PRMT5: variants seen among roughly 807,000 people sequenced by gnomAD.
The protein encoded by PRMT5 is protein arginine N-methyltransferase 5.
PRMT5 carries 15 observed loss-of-function variants against 84.0 expected under a neutral mutation model. The ratio of observed to expected loss-of-function variants is 0.18; its 90% CI spans 0.12 to 0.28. The LOEUF (loss-of-function observed/expected upper bound fraction) is 0.28, where lower values mean the gene tolerates loss of function less well. Ranked by LOEUF, PRMT5 falls within the 10% of genes least tolerant of loss-of-function variation. PRMT5 has a pLI of 1.00. For missense variants in PRMT5, 486 were observed against 808.0 expected, an observed-to-expected ratio of 0.60 and a Z score of 4.83; for synonymous variants, 276 against 292.4, an observed-to-expected ratio of 0.94 and a Z score of 0.57.
At chr14:22,929,058 G>C in intron 1 of PRMT5, 194 bp downstream of exon 1, 4 of 1,401,546 alleles carry the variant, frequency 2.9e-6, no homozygotes, top group Non-Finnish European at 4.0e-6. Context: ...TTGGGACTCA[G>C]TGACCACAGG....
rs2044381487 is a variant in PRMT5 at position 22,924,814 on chromosome 14, A to G, written c.939+65T>C. On this transcript the variant is annotated intron_variant, in intron 8 of 16. Coordinates refer to ENST00000324366, the MANE Select transcript of PRMT5 (RefSeq NM_006109.5). This position sits in a 1 kb window ranked among gnomAD's most constrained non-coding sequence, Gnocchi z 6.5. ...CTTTCTGAGTTTTAGTAAGATTTGG[A>G]GGCATATATTCTCAAGAAACATTTT... The G allele has an allele frequency of 3.8e-6, 6 of 1,596,028 alleles. No homozygotes were observed. The Admixed American group carries it at 1.0e-4, about 27-fold the overall frequency.
rs759127313 is a variant in PRMT5 at position 22,920,889 on chromosome 14, A to G, written c.*15T>C. 1.9e-6 allele frequency: 3 copies of G among 1,613,834 alleles called. No individual in the cohort carries two copies. The highest frequency in any genetic ancestry group is 2.5e-6 in the Non-Finnish European group (3 of 1,179,744). ...TGAAGCTGCTTCCAAGGCTCTGGACACTTGGCACGCAGGGCTAGAGGCCAA... is the reference window on the plus strand; with the variant it reads ...TGAAGCTGCTTCCAAGGCTCTGGACGCTTGGCACGCAGGGCTAGAGGCCAA... On this transcript the variant is annotated 3_prime_UTR_variant, in exon 17 of 17. Transcript: ENST00000324366.
In PRMT5 at chr14:22,928,329, A is replaced by T. The variant is rs751958721; in HGVS notation, c.230-118T>A. The T allele has an allele frequency of 1.6e-6, 2 of 1,234,602 alleles. No homozygotes were observed. The highest frequency in any genetic ancestry group is 3.6e-5 in the Admixed American group (2 of 55,312). 76.5% of individuals were successfully genotyped at this position (1,234,602 alleles called of 1,614,324 possible). The stretch of plus-strand genomic sequence containing the variant: ...AGAGACAAAGGTTTTTTCTACATAG[A>T]CATGGGATAGCCTGATGCAGAATAG... On this transcript the variant is annotated intron_variant, in intron 2 of 16. Transcript: ENST00000324366. This position sits in a 1 kb window ranked among gnomAD's most constrained non-coding sequence, Gnocchi z 4.8.
At chr14:22,926,612 C>T in intron 5 of PRMT5, 57 bp from the exon 6 acceptor site, 2 of 1,608,690 alleles carry the variant, frequency 1.2e-6, no homozygotes, top group Non-Finnish European at 1.7e-6. Flanking sequence ...CCAATCACCA[C>T]AGCTCAAGGA....
chr14:22,924,327 T>C lies in PRMT5; in HGVS notation c.1142A>G (p.Gln381Arg). Residue 381 changes from glutamine to arginine, a missense_variant, in exon 11 of 17, where the codon CAG becomes CGG. By Grantham distance (43) the Gln-to-Arg change is conservative (BLOSUM62 1). Around this residue, in one of 4 missense-constraint regions of PRMT5, gnomAD observed 219 missense variants for 433.6 expected, o/e 0.51. Coordinates refer to ENST00000324366, the MANE Select transcript of PRMT5 (RefSeq NM_006109.5). This position sits in a 1 kb window ranked among gnomAD's most constrained non-coding sequence, Gnocchi z 6.5. ...ATACAGCTTTATCCGCCGGTCGGCC[T>C]GCTTGGCTGCCCGCAGGGAAGCGTT... ...LVNASLRAAK[Q>R]ADRRIKLYAV... 6.2e-7 allele frequency: 1 copy of C among 1,614,180 alleles called. No individual in the cohort carries two copies.
At position 22,926,685 on chromosome 14, in the gene PRMT5, A is replaced by C. The variant is rs2044427461; in HGVS notation, c.563+17T>G. The stretch of plus-strand genomic sequence containing the variant: ...CCTATCCCTTGCACCCTGGTACAGC[A>C]GCAAAGGGAGACATACCACATCCAC... On this transcript the variant is annotated intron_variant, in intron 5 of 16. Coordinates refer to ENST00000324366, the MANE Select transcript of PRMT5 (RefSeq NM_006109.5). The C allele has an allele frequency of 6.2e-7, 1 of 1,607,632 alleles. No individual in the cohort carries two copies. The highest frequency in any genetic ancestry group is 8.5e-7 in the Non-Finnish European group (1 of 1,174,168).
At chr14:22,929,209 G>C in intron 1 of PRMT5, 43 bp downstream of exon 1, 1 of 1,613,818 alleles carries the variant, frequency 6.2e-7, no homozygotes, top group East Asian at 2.2e-5. Flanking sequence ...CTCCGTCCCC[G>C]AGTTCGGACC....
rs2044384662 is a variant in PRMT5 at position 22,924,960 on chromosome 14, G to A, written c.858C>T (p.Tyr286=). 1 of 1,614,024 alleles carries A rather than the reference G, an allele frequency of 6.2e-7. No homozygotes were observed. The highest frequency in any genetic ancestry group is 1.1e-5 in the South Asian group (1 of 91,086). ...EFCSYLQYLE[Y]LSQNRPPPNA... ...TAGGTGGAGGACGGTTCTGGCTTAA[G>A]TATTCCAGGTATTGGAGGTAGGAGC... Residue 286 remains tyrosine, a synonymous_variant, in exon 8 of 17, where the codon TAC becomes TAT. Coordinates refer to ENST00000324366, the MANE Select transcript of PRMT5 (RefSeq NM_006109.5). The surrounding 1 kb of genome is among the most constrained non-coding windows in gnomAD (Gnocchi z 6.5).
Position 22,920,826 on chromosome 14 carries a change from T to C in PRMT5, c.*78A>G, listed in dbSNP as rs1053939762. On this transcript the variant is annotated 3_prime_UTR_variant, in exon 17 of 17. Transcript: ENST00000324366. ...GATGGGCAAGGGGAATCACAGCCCA[T>C]AGATGTACTGCACCTTCTGTACTAC... The C allele has an allele frequency of 5.7e-6, 9 of 1,583,398 alleles. No individual in the cohort carries two copies. The highest frequency in any genetic ancestry group is 2.2e-5 in the East Asian group (1 of 44,692).
At position 22,928,059 on chromosome 14, in the gene PRMT5, G is replaced by A; in HGVS notation, c.315+67C>T. 7.4e-7 allele frequency: 1 copy of A among 1,353,834 alleles called. No individual in the cohort carries two copies. Among genetic ancestry groups the A allele is most frequent in the Non-Finnish European group, 1.0e-6 (1 of 961,652 alleles). The allele number at this position is 1,353,834 out of a possible 1,614,324, so 83.9% of individuals were successfully genotyped here. On this transcript the variant is annotated intron_variant, in intron 3 of 16. Coordinates refer to ENST00000324366, the MANE Select transcript of PRMT5 (RefSeq NM_006109.5). This position sits in a 1 kb window ranked among gnomAD's most constrained non-coding sequence, Gnocchi z 4.8. ...GTTAATTTACCAAGTTATTGGGGAT[G>A]GGAGGGGACCACTCTCCCCACCCAG...
Position 22,927,676 on chromosome 14 carries a change from A to T in PRMT5, c.316-16T>A, listed in dbSNP as rs1225819983. 1 of 1,610,820 alleles carries T rather than the reference A, an allele frequency of 6.2e-7. No homozygotes were observed. The highest frequency in any genetic ancestry group is 1.7e-5 in the Admixed American group (1 of 59,348). Reference sequence around the variant, plus strand: ...GTAACATGGCCTGGAACGGAGATGAAGAGGAAAAGTTTGAGCTAACAAGCA... The same window carrying T: ...GTAACATGGCCTGGAACGGAGATGATGAGGAAAAGTTTGAGCTAACAAGCA... On this transcript the variant is annotated splice_polypyrimidine_tract_variant and intron_variant, in intron 3 of 16. Coordinates refer to ENST00000324366, the MANE Select transcript of PRMT5 (RefSeq NM_006109.5).
In PRMT5 at chr14:22,926,725, A is replaced by G. The variant is rs756535651; in HGVS notation, c.540T>C (p.Ser180=). ...ACCACATCCACGTTTTCTCCTCCCC[A>G]CTGTACTCCTCTGTGTGTGTAGTTG... ...NAPTTHTEEY[S]GEEKTWMWWH... Residue 180 remains serine, a synonymous_variant, in exon 5 of 17, where the codon AGT becomes AGC. Coordinates refer to ENST00000324366, the MANE Select transcript of PRMT5 (RefSeq NM_006109.5). 1.2e-6 allele frequency: 2 copies of G among 1,613,900 alleles called. No individual in the cohort carries two copies. Among genetic ancestry groups the G allele is most frequent in the African/African-American group, 1.3e-5 (1 of 74,972 alleles).
chr14:22,921,473 A>G (rs1384029918), intron 16 of PRMT5, among the ~76,000 whole-genome samples: 1 of 152,252 alleles, frequency 6.6e-6, no homozygotes, highest in Non-Finnish European at 1.5e-5. Flanking sequence ...GCAAGGGGAC[A>G]GTAGCTGCAA....
chr14:22,922,360 A>G, intron 15 of PRMT5, 83 bp downstream of exon 15: 1 of 1,418,294 alleles, frequency 7.1e-7, no homozygotes, highest in Non-Finnish European at 1.0e-6. Context: ...TGGGCCCCCC[A>G]TAAATCTAAA....
chr14:22,929,134 C>G (rs1339512334), intron 1 of PRMT5, 118 bp downstream of exon 1: 3 of 1,612,740 alleles, frequency 1.9e-6, no homozygotes. Context: ...GAGTAATAGT[C>G]TCTCCCCTCC....
In PRMT5 at chr14:22,927,424, T is replaced by C. The variant is rs924307648; in HGVS notation, c.450+102A>G. On this transcript the variant is annotated intron_variant, in intron 4 of 16. Transcript: ENST00000324366. ...GTGCCCGCCAATACTGATACTTCAA[T>C]TCTGCCAAACACACCCTTCACTGAA... is the stretch of plus-strand genomic sequence containing the variant. The C allele has an allele frequency of 2.7e-6, 4 of 1,507,482 alleles. No individual in the cohort carries two copies. The African/African-American group carries it at 5.5e-5, about 21-fold the overall frequency. The allele number at this position is 1,507,482 out of a possible 1,614,324, so 93.4% of individuals were successfully genotyped here. A position where few individuals can be genotyped will look rare whatever the true frequency, so the allele number is the denominator to read the frequency against.
In PRMT5 at chr14:22,922,520, A is replaced by G. The variant is rs2044323693; in HGVS notation, c.1619T>C (p.Phe540Ser). Residue 540 changes from phenylalanine to serine, a missense_variant, in exon 15 of 17, where the codon TTT becomes TCT. Physicochemically the swap from Phe to Ser is radical, Grantham distance 155. Coordinates refer to ENST00000324366, the MANE Select transcript of PRMT5 (RefSeq NM_006109.5). ...IDNNRYCTLE[F>S]PVEVNTVLHG... is the part of the protein sequence containing the mutation. ...TAGTACTGTGTTCACCTCCACAGGA[A>G]ATTCCAAGGTGCAATAGCGGTTGTT... 6.2e-7 allele frequency: 1 copy of G among 1,614,080 alleles called. No homozygotes were observed. The highest frequency in any genetic ancestry group is 1.7e-5 in the Admixed American group (1 of 60,002).
chr14:22,926,792 A>G lies in PRMT5; in HGVS notation c.473T>C (p.Val158Ala). ...ATCATCTCTCAGGTCCTCTGGTGCC[A>G]CCAAGGGTACCCGCATCCAGAACTG... Reference protein sequence around the residue: ...SSMFWMRVPLVAPEDLRDDII... With the variant: ...SSMFWMRVPLAAPEDLRDDII... Residue 158 changes from valine (V) to alanine (A), a missense_variant, in exon 5 of 17, where the codon GTG (valine) becomes GCG (alanine). Physicochemically the swap from Val to Ala is moderately conservative, Grantham distance 64 (BLOSUM62 0). Around this residue, in one of 4 missense-constraint regions of PRMT5, gnomAD observed 215 missense variants for 301.1 expected, o/e 0.71. Coordinates refer to ENST00000324366, the MANE Select transcript of PRMT5 (RefSeq NM_006109.5). The G allele has an allele frequency of 1.2e-6, 2 of 1,613,804 alleles. No individual in the cohort carries two copies. The highest frequency in any genetic ancestry group is 8.5e-7 in the Non-Finnish European group (1 of 1,179,676).
At position 22,927,535 on chromosome 14, in the gene PRMT5, GTGA is replaced by G; in HGVS notation, c.438_440del (p.His147del). 1.9e-6 allele frequency: 3 copies of G among 1,614,062 alleles called. No homozygotes were observed. Among genetic ancestry groups the G allele is most frequent in the Non-Finnish European group, 2.5e-6 (3 of 1,179,992 alleles). ...AGCCCCTCAGCTATACCATGGAAGA[GTGA>G]TGGCCAGTGTGGATGTGGTTGGTCA... On this transcript the variant is annotated inframe_deletion, in exon 4 of 17. Transcript: ENST00000324366.
Sources: allele counts gnomAD v4.1 joint callset (sites outside exome capture counted in the v4.1 genomes callset), GRCh38; gene constraint gnomAD v4.1.1; regional missense constraint gnomAD v4.1.1; non-coding constraint Gnocchi (gnomAD v3.1); transcripts MANE v1.5; gene names NCBI Gene and HGNC (gene_info 2026-07-23, HGNC 2026-07-21).